The following FMO3 variants were observed in gnomAD, a reference collection of about 807,000 sequenced individuals.
The protein encoded by FMO3 is flavin-containing monooxygenase 3.
FMO3 carries 40 observed loss-of-function variants against 39.4 expected under a neutral mutation model. That is an observed-to-expected ratio of 1.02 (90% CI 0.79 to 1.32). The LOEUF (loss-of-function observed/expected upper bound fraction) is 1.32. FMO3 is among the 40% of genes most tolerant of loss of function. FMO3 has a pLI of 0.00. For synonymous variants in FMO3, 219 were observed against 228.8 expected (o/e 0.96, Z 0.39); for missense variants, 680 against 651.8 (o/e 1.04, Z -0.47).
At chr1:171,101,209 A>G (rs1655369235) in intron 2 of FMO3, 1 of 456,240 alleles carries the variant, frequency 2.2e-6, no homozygotes, top group Non-Finnish European at 4.4e-6. Flanking sequence ...TGAACATGGT[A>G]CTGTCACACT....
At chr1:171,113,979 C>G (rs1656024912) in intron 6 of FMO3, 28 bp from the exon 7 acceptor site, 1 of 1,425,018 alleles carries the variant, frequency 7.0e-7, no homozygotes, top group Non-Finnish European at 9.8e-7. Flanking sequence ...TATTACACTT[C>G]CAATAATTGT....
intron 2 of FMO3, chr1:171,100,970 AGAGAGGCAGAGG>A: frequency 2.7e-6 from 1 of 366,188 alleles, no homozygotes; most frequent in Non-Finnish European, 5.4e-6. Flanking sequence ...TCGTTAAAAG[AGAGAGGCAGAGG>A]GAGATTTAAC....
chr1:171,099,759 C>CTTTTTTTTTTTTTTTTTTTTTTTT (rs747274398), intron 2 of FMO3: 11 of 117,604 alleles, frequency 9.4e-5, no homozygotes, highest in African/African-American at 1.3e-4. Flanking sequence ...CCATGTCTTT[C>CTTTTTTTTTTTTTTTTTTTTTTTT]TTTTTTTTTT....
chr1:171,092,757 G>A lies in FMO3; in HGVS notation c.99G>A (p.Lys33=), dbSNP rs752283404. The change falls in exon 2 of 9, where the codon AAG becomes AAA. Residue 33 remains lysine (K), a synonymous_variant. Transcript: ENST00000367755. The part of the protein sequence containing the change: ...EEGLEPTCFE[K]SNDIGGLWKF... Reference sequence around the variant, plus strand: ...GGCTGGAGCCCACCTGCTTTGAGAAGAGCAATGACATTGGGGGCCTGTGGA... The same window carrying A: ...GGCTGGAGCCCACCTGCTTTGAGAAAAGCAATGACATTGGGGGCCTGTGGA... 7 of 1,614,080 alleles carry A rather than the reference G, an allele frequency of 4.3e-6. No individual in the cohort carries two copies. Among genetic ancestry groups the A allele is most frequent in the Non-Finnish European group, 5.9e-6 (7 of 1,179,998 alleles).
At chr1:171,096,744 T>C (rs1655104461) in intron 2 of FMO3, among the ~76,000 whole-genome samples, 1 of 138,722 alleles carries the variant, frequency 7.2e-6, no homozygotes, top group Non-Finnish European at 1.5e-5. Context: ...ATATAATTAA[T>C]ATAATTATAT....
intron 8 of FMO3, among the ~76,000 whole-genome samples, chr1:171,116,753 C>T (rs557688326): frequency 1.3e-5 from 2 of 152,258 alleles, no homozygotes; most frequent in African/African-American, 4.8e-5. Flanking sequence ...CACTAATTAG[C>T]TCAGTGGCCA....
intron 2 of FMO3, among the ~76,000 whole-genome samples, chr1:171,097,635 G>C (rs1338600204): frequency 6.9e-6 from 1 of 145,226 alleles, no homozygotes; most frequent in Admixed American, 7.0e-5. Flanking sequence ...TTTTGATGGG[G>C]TTGTTTGTTT....
In FMO3 at chr1:171,103,796, G is replaced by A. The variant is rs1655515853; in HGVS notation, c.144G>A (p.Glu48=). Residue 48 remains glutamate, a synonymous_variant, in exon 3 of 9, where the codon GAG becomes GAA. Coordinates refer to ENST00000367755, the MANE Select transcript of FMO3 (RefSeq NM_001002294.3). Reference sequence around the variant, plus strand: ...CTATACATTCACAGGACCATGCAGAGGAGGGCAGGGCTAGCATTTACAAAT... The same window carrying A: ...CTATACATTCACAGGACCATGCAGAAGAGGGCAGGGCTAGCATTTACAAAT... ...GGLWKFSDHA[E]EGRASIYKSV... 6.2e-7 allele frequency: 1 copy of A among 1,613,112 alleles called. No homozygotes were observed. The highest frequency in any genetic ancestry group is 1.7e-5 in the Admixed American group (1 of 59,952).
chr1:171,091,956 C>T (rs1654731503), intron 1 of FMO3, among the ~76,000 whole-genome samples: 2 of 151,852 alleles, frequency 1.3e-5, no homozygotes, highest in Admixed American at 1.3e-4. Flanking sequence ...TTTCTTCATT[C>T]CCATATACAG....
chr1:171,093,445 A>G (rs1432803535), intron 2 of FMO3, among the ~76,000 whole-genome samples: 1 of 152,124 alleles, frequency 6.6e-6, no homozygotes, highest in Non-Finnish European at 1.5e-5. Flanking sequence ...ATGTTGCTGC[A>G]GAAGACATAA....
intron 2 of FMO3, among the ~76,000 whole-genome samples, chr1:171,096,095 T>TATATATAAA (rs1655016875): frequency 2.1e-5 from 1 of 48,560 alleles, no homozygotes; most frequent in African/African-American, 8.4e-5. Flanking sequence ...ATATTAATAT[T>TATATATAAA]TTTATATAAT....
intron 7 of FMO3, among the ~76,000 whole-genome samples, chr1:171,114,641 A>G (rs1033841334): frequency 1.3e-5 from 2 of 152,330 alleles, no homozygotes; most frequent in African/African-American, 4.8e-5. Context: ...TGAGACCACC[A>G]AAGCTCACAT....
chr1:171,107,574 A>G lies in FMO3; in HGVS notation c.322-101A>G, dbSNP rs888135016. 3.6e-6 allele frequency: 3 copies of G among 839,836 alleles called. No individual in the cohort carries two copies. The African/African-American group carries it at 5.1e-5, about 14-fold the overall frequency. The allele number at this position is 839,836 out of a possible 1,614,324, so 52.0% of individuals were successfully genotyped here. On this transcript the variant is annotated intron_variant, in intron 3 of 8. Coordinates refer to ENST00000367755, the MANE Select transcript of FMO3 (RefSeq NM_001002294.3). Reference sequence around the variant, plus strand: ...TAAATTTGTAATATGTATCTTAATCATTAAATATTTTTCTTAACCCACTTT... The same window carrying G: ...TAAATTTGTAATATGTATCTTAATCGTTAAATATTTTTCTTAACCCACTTT...
chr1:171,109,615 A>C (rs1655812321), intron 5 of FMO3, among the ~76,000 whole-genome samples: 1 of 137,410 alleles, frequency 7.3e-6, no homozygotes, highest in African/African-American at 2.8e-5. Context: ...GCTCACTGCA[A>C]CCTCCGTCTC....
chr1:171,096,485 TTA>T (rs1557934193), intron 2 of FMO3, among the ~76,000 whole-genome samples: 2 of 105,808 alleles, frequency 1.9e-5, no homozygotes, highest in East Asian at 6.1e-4. Flanking sequence ...ATTTTATATA[TTA>T]AATACATAAT....
intron 2 of FMO3, among the ~76,000 whole-genome samples, chr1:171,101,471 G>C (rs974196830): frequency 6.6e-6 from 1 of 152,172 alleles, no homozygotes; most frequent in African/African-American, 2.4e-5. Context: ...CACATTATAA[G>C]ATTGTTATAA....
chr1:171,114,887 G>A (rs991496749), intron 7 of FMO3, among the ~76,000 whole-genome samples: 2 of 152,208 alleles, frequency 1.3e-5, no homozygotes, highest in African/African-American at 4.8e-5. Context: ...AAAGTGCTAA[G>A]AACAAACAGT....
At chr1:171,116,740 T>G (rs1490565996) in intron 8 of FMO3, among the ~76,000 whole-genome samples, 1 of 152,188 alleles carries the variant, frequency 6.6e-6, no homozygotes, top group African/African-American at 2.4e-5. Context: ...CATTTCTAGT[T>G]GTCACTAATT....
intron 7 of FMO3, among the ~76,000 whole-genome samples, chr1:171,114,574 C>T (rs909532): frequency 0.08 from 12,140 of 152,190 alleles, 741 homozygotes; most frequent in East Asian, 0.19. Flanking sequence ...TTAGAGGAGG[C>T]ATTTTGTGAC....
Sources: gnomAD v4.1 joint callset for allele counts (sites outside exome capture counted in the v4.1 genomes callset) on GRCh38, gnomAD v4.1.1 for gene constraint, MANE v1.5 for transcripts, NCBI Gene and HGNC (gene_info 2026-07-23, HGNC 2026-07-21) for gene names.